The following CECR2 variants were observed in gnomAD, a reference collection of about 807,000 sequenced individuals.
CECR2 encodes the protein chromatin remodeling regulator CECR2.
In CECR2, 30 loss-of-function variants were observed where a neutral mutation model predicts 154.5. The ratio of observed to expected loss-of-function variants is 0.19; its 90% CI spans 0.15 to 0.26. The LOEUF is 0.26. Ranked by LOEUF, CECR2 falls within the 10% of genes least tolerant of loss-of-function variation. CECR2 has a pLI of 1.00. For missense variants in CECR2, 1,743 were observed against 1,829.3 expected, an observed-to-expected ratio of 0.95 and a Z score of 0.86; for synonymous variants, 725 against 683.7, an observed-to-expected ratio of 1.06 and a Z score of -0.94.
rs550450975 is a variant in CECR2, at chr22:17,394,949, C to A, written c.126+25040C>A. ...TCATTGAAAATTGTTTTTTAAAAAT[C>A]AATTTTATTGAGCTATAATTTAAAT... On this transcript the variant is annotated intron_variant, in intron 1 of 18. Transcript: ENST00000262608. 3.3e-5 allele frequency among the ~76,000 whole-genome samples: 5 copies of A among 152,058 alleles called. No individual in the cohort carries two copies. In the South Asian group the frequency reaches 1.0e-3, roughly 32 times the overall value.
In CECR2 at chr22:17,552,075, C is replaced by T; in HGVS notation, c.4322C>T (p.Thr1441Ile). Residue 1441 changes from threonine (T) to isoleucine (I), a missense_variant, in exon 18 of 19, where the codon ACC (threonine) becomes ATC (isoleucine). Thr to Ile is a moderately conservative substitution (Grantham distance 89). Coordinates refer to ENST00000262608, the MANE Select transcript of CECR2 (RefSeq NM_001290047.2). The part of the protein sequence containing the change: ...PVQSQASFPK[T>I]PTAATSQEEV... ...CAGTCGCAGGCCTCGTTCCCAAAGA[C>T]CCCCACAGCAGCAACATCACAGGAG... is the stretch of plus-strand genomic sequence containing the variant. 1 of 1,614,016 alleles carries T rather than the reference C, an allele frequency of 6.2e-7. No homozygotes were observed. Among genetic ancestry groups the T allele is most frequent in the Non-Finnish European group, 8.5e-7 (1 of 1,179,906 alleles).
At chr22:17,385,661 A>G (rs1467236216) in intron 1 of CECR2, among the ~76,000 whole-genome samples, 1 of 152,228 alleles carries the variant, frequency 6.6e-6, no homozygotes. Context: ...GAATTACCAA[A>G]ATGCAACACA....
At chr22:17,410,923 G>A (rs1472191098) in intron 1 of CECR2, among the ~76,000 whole-genome samples, 1 of 152,174 alleles carries the variant, frequency 6.6e-6, no homozygotes, top group African/African-American at 2.4e-5. Flanking sequence ...GATAATTTAG[G>A]TTTAACTCAT....
intron 1 of CECR2, among the ~76,000 whole-genome samples, chr22:17,474,068 T>C (rs1362702799): frequency 1.3e-5 from 2 of 151,600 alleles, no homozygotes; most frequent in Non-Finnish European, 2.9e-5. Context: ...GGGTTTATAG[T>C]TACTAAAGGG....
intron 12 of CECR2, 108 bp downstream of exon 12, chr22:17,538,839 C>T (rs1442469664): frequency 1.5e-6 from 2 of 1,313,424 alleles, no homozygotes; most frequent in Non-Finnish European, 1.0e-6. Flanking sequence ...TTTTTCTTTT[C>T]AACTGTCAAA....
At chr22:17,513,391 A>G (rs1198943435) in intron 8 of CECR2, among the ~76,000 whole-genome samples, 1 of 152,198 alleles carries the variant, frequency 6.6e-6, no homozygotes, top group Non-Finnish European at 1.5e-5. Context: ...TTTGCCTTTC[A>G]GTAACATTTT....
At chr22:17,382,114 T>C (rs2063203109) in intron 1 of CECR2, among the ~76,000 whole-genome samples, 1 of 151,692 alleles carries the variant, frequency 6.6e-6, no homozygotes, top group Non-Finnish European at 1.5e-5. Context: ...ATGGTCTTGA[T>C]CTCCTGACCT....
intron 1 of CECR2, among the ~76,000 whole-genome samples, chr22:17,377,042 T>G (rs2063127157): frequency 6.6e-6 from 1 of 152,234 alleles, no homozygotes; most frequent in African/African-American, 2.4e-5. Flanking sequence ...GTGCCCCATC[T>G]ATAGACTCAG....
rs192662795 is a variant in CECR2, at chr22:17,400,518, C to T, written c.126+30609C>T. On this transcript the variant is annotated intron_variant, in intron 1 of 18. Coordinates refer to ENST00000262608, the MANE Select transcript of CECR2 (RefSeq NM_001290047.2). ...GGCTCTTGAGAAATGTCCTTTTTCTCGTGAGTGATTTCATTTCTGAAGTCT... is the reference window on the plus strand; with the variant it reads ...GGCTCTTGAGAAATGTCCTTTTTCTTGTGAGTGATTTCATTTCTGAAGTCT... Among the ~76,000 whole-genome samples, 219 of 152,288 alleles carry T rather than the reference C, an allele frequency of 1.4e-3. 2 individuals carry two copies. Among genetic ancestry groups the T allele is most frequent in the Non-Finnish European group, 1.3e-4 (9 of 68,022 alleles).
intron 1 of CECR2, among the ~76,000 whole-genome samples, chr22:17,467,389 G>C (rs1359582452): frequency 6.6e-6 from 1 of 152,108 alleles, no homozygotes; most frequent in Admixed American, 6.6e-5. Context: ...ACAGGACTTG[G>C]GTGAGCATCA....
chr22:17,508,280 T>C (rs1432646966), intron 7 of CECR2, among the ~76,000 whole-genome samples: 1 of 152,082 alleles, frequency 6.6e-6, no homozygotes, highest in Non-Finnish European at 1.5e-5. Flanking sequence ...AGCAGTGTAC[T>C]GTAATGTCCT....
intron 1 of CECR2, among the ~76,000 whole-genome samples, chr22:17,421,745 A>T (rs2054255579): frequency 6.6e-6 from 1 of 150,724 alleles, no homozygotes; most frequent in East Asian, 1.9e-4. Flanking sequence ...GTGAGCCGAG[A>T]TCCCACCATT....
At chr22:17,502,944 C>G in intron 5 of CECR2, 138 bp from the exon 6 acceptor site, 1 of 683,940 alleles carries the variant, frequency 1.5e-6, no homozygotes. Context: ...AGCGTTCCGC[C>G]TCCAAGCCTT....
chr22:17,483,622 A>G (rs1225329211), intron 2 of CECR2, among the ~76,000 whole-genome samples: 1 of 152,228 alleles, frequency 6.6e-6, no homozygotes, highest in Admixed American at 6.5e-5. Context: ...ATATTTTTGT[A>G]TAGCTCTAAA....
intron 1 of CECR2, among the ~76,000 whole-genome samples, chr22:17,421,862 C>CA (rs1183898354): frequency 1.4e-4 from 18 of 131,208 alleles, no homozygotes; most frequent in Non-Finnish European, 2.2e-4. Flanking sequence ...AAAAAAAAAA[C>CA]AAAAAAAACT....
chr22:17,522,970 A>ACTC (rs1160365380), intron 8 of CECR2, among the ~76,000 whole-genome samples: 1 of 149,742 alleles, frequency 6.7e-6, no homozygotes, highest in East Asian at 2.0e-4. Flanking sequence ...GTGCCACTGC[A>ACTC]CTCCAGCCTT....
chr22:17,474,514 T>C (rs1464387439), intron 1 of CECR2, among the ~76,000 whole-genome samples: 1 of 152,192 alleles, frequency 6.6e-6, no homozygotes, highest in Non-Finnish European at 1.5e-5. Context: ...CTACTTTCTA[T>C]TGTGTTAGAA....
chr22:17,394,760 G>C (rs2053782608), intron 1 of CECR2, among the ~76,000 whole-genome samples: 1 of 152,114 alleles, frequency 6.6e-6, no homozygotes, highest in Non-Finnish European at 1.5e-5. Flanking sequence ...AATGCTAAGT[G>C]TTCCAATCCA....
intron 15 of CECR2, 69 bp downstream of exon 15, chr22:17,542,036 T>C: frequency 1.3e-6 from 2 of 1,579,396 alleles, no homozygotes; most frequent in South Asian, 1.2e-5. Context: ...AAAAGTCTCT[T>C]TCCAGGTTAA....
Sources: allele counts gnomAD v4.1 joint callset (sites outside exome capture counted in the v4.1 genomes callset), GRCh38; gene constraint gnomAD v4.1.1; transcripts MANE v1.5; gene names NCBI Gene and HGNC (gene_info 2026-07-23, HGNC 2026-07-21).